Variants in C19orf38 observed in about 807,000 individuals in gnomAD.
C19orf38 encodes the protein protein HIDE1.
C19orf38 carries 14 observed loss-of-function variants against 26.6 expected under a neutral mutation model. The ratio of observed to expected loss-of-function variants is 0.53; its 90% confidence interval spans 0.35 to 0.82. The LOEUF is 0.82. Among genes scored for constraint, C19orf38 ranks in the 40% least tolerant of loss-of-function variants. The pLI is 0.01. For synonymous variants in C19orf38, 132 were observed against 128.5 expected (o/e 1.03, Z -0.18); for missense variants, 261 against 299.5 (o/e 0.87, Z 0.95).
chr19:10,853,042 C>A (rs2146256646), intron 2 of C19orf38, among the ~76,000 whole-genome samples: 1 of 146,228 alleles, frequency 6.8e-6, no homozygotes, highest in South Asian at 2.2e-4. Context: ...GAGACCCTGT[C>A]TCTACAAAAA....
chr19:10,842,576 G>GA (rs888965962), intron 1 of C19orf38, among the ~76,000 whole-genome samples: 38 of 144,858 alleles, frequency 2.6e-4, no homozygotes, highest in East Asian at 4.0e-4. Flanking sequence ...ATTTTTAATG[G>GA]AAAAAAAAAA....
chr19:10,848,626 C>A, intron 1 of C19orf38, 87 bp downstream of exon 1: 1 of 1,313,024 alleles, frequency 7.6e-7, no homozygotes, highest in Non-Finnish European at 1.1e-6. Context: ...GAAACCAGTG[C>A]AGGGGCTGCC....
chr19:10,869,185 C>T, intron 6 of C19orf38, 33 bp from the exon 7 acceptor site: 5 of 1,551,216 alleles, frequency 3.2e-6, no homozygotes, highest in Non-Finnish European at 4.4e-6. Context: ...CCCCAAATCA[C>T]CCACTTCTGT....
At chr19:10,850,681 C>A in intron 2 of C19orf38, 114 bp downstream of exon 2, 1 of 1,123,626 alleles carries the variant, frequency 8.9e-7, no homozygotes, top group Non-Finnish European at 1.3e-6. Context: ...TACACCCTGC[C>A]AGGACTTACT....
intron 1 of C19orf38, among the ~76,000 whole-genome samples, chr19:10,839,007 C>T (rs982711655): frequency 6.6e-6 from 1 of 151,990 alleles, no homozygotes; most frequent in Non-Finnish European, 1.5e-5. Flanking sequence ...CTCCGCCTCC[C>T]AGGTTCAAGG....
chr19:10,859,384 AT>A (rs1221027780), intron 4 of C19orf38, among the ~76,000 whole-genome samples: 312 of 21,026 alleles, frequency 0.015, 3 homozygotes, highest in Middle Eastern at 0.071. Context: ...ATATATATAT[AT>A]TTTTTTTTTT....
chr19:10,863,322 G>T (rs1329364265), intron 6 of C19orf38, 115 bp downstream of exon 6: 13 of 1,235,470 alleles, frequency 1.1e-5, no homozygotes, highest in Non-Finnish European at 1.5e-5. Flanking sequence ...AAGCTGCGGG[G>T]GGGCTAGGAA....
intron 3 of C19orf38, among the ~76,000 whole-genome samples, chr19:10,857,368 T>TA (rs1568336575): frequency 3.7e-3 from 166 of 44,592 alleles, no homozygotes; most frequent in Admixed American, 4.4e-3. Context: ...ATATATATAT[T>TA]TTTTTTTTTT....
chr19:10,865,122 CT>C (rs1268682845), intron 6 of C19orf38, among the ~76,000 whole-genome samples: 2 of 152,150 alleles, frequency 1.3e-5, no homozygotes, highest in African/African-American at 4.8e-5. Flanking sequence ...GTGATGCCCC[CT>C]CTCCCCACTT....
At chr19:10,859,088 C>G (rs2073661765) in intron 4 of C19orf38, among the ~76,000 whole-genome samples, 1 of 151,244 alleles carries the variant, frequency 6.6e-6, no homozygotes, top group Non-Finnish European at 1.5e-5. Flanking sequence ...CAGGCATGTG[C>G]CACCACACCC....
intron 4 of C19orf38, among the ~76,000 whole-genome samples, chr19:10,859,089 C>T (rs1270315819): frequency 6.6e-6 from 1 of 151,266 alleles, no homozygotes; most frequent in Admixed American, 6.6e-5. Flanking sequence ...AGGCATGTGC[C>T]ACCACACCCG....
intron 6 of C19orf38, 119 bp downstream of exon 6, chr19:10,863,326 C>T (rs1844556412): frequency 1.7e-6 from 2 of 1,170,762 alleles, no homozygotes; most frequent in Non-Finnish European, 2.5e-6. Flanking sequence ...TGCGGGGGGG[C>T]TAGGAAAAGC....
chr19:10,869,284 A>G lies in C19orf38; in HGVS notation c.610A>G (p.Asn204Asp). The G allele has an allele frequency of 6.4e-7, 1 of 1,551,648 alleles. No individual in the cohort carries two copies. Among genetic ancestry groups the G allele is most frequent in the Non-Finnish European group, 8.7e-7 (1 of 1,146,974 alleles). Residue 204 changes from asparagine to aspartate, a missense_variant, in exon 7 of 7, where the codon AAC (asparagine) becomes GAC (aspartate). Physicochemically the swap from Asn to Asp is conservative, Grantham distance 23. Coordinates refer to ENST00000397820, the MANE Select transcript of C19orf38 (RefSeq NM_001136482.3). Reference sequence around the variant, plus strand: ...CTCAGGCACCACTGCCACCCCCAGCAACTCCAGGACCCGGAAGAGGCCCAC... The same window carrying G: ...CTCAGGCACCACTGCCACCCCCAGCGACTCCAGGACCCGGAAGAGGCCCAC... Reference protein sequence around the residue: ...DHSGTTATPSNSRTRKRPTST... With the variant: ...DHSGTTATPSDSRTRKRPTST...
chr19:10,839,179 A>G (rs966083684), intron 1 of C19orf38, among the ~76,000 whole-genome samples: 4 of 152,154 alleles, frequency 2.6e-5, no homozygotes, highest in Non-Finnish European at 5.9e-5. Context: ...TGCTGGGATT[A>G]CTGGTGTGAG....
intron 3 of C19orf38, among the ~76,000 whole-genome samples, chr19:10,857,733 T>A (rs1377143480): frequency 6.6e-6 from 1 of 151,090 alleles, no homozygotes; most frequent in Non-Finnish European, 1.5e-5. Flanking sequence ...ACACAAAAAT[T>A]AGCCGGGCGT....
At chr19:10,857,966 T>C (rs1280337651) in intron 3 of C19orf38, among the ~76,000 whole-genome samples, 2 of 150,788 alleles carry the variant, frequency 1.3e-5, no homozygotes, top group East Asian at 3.9e-4. Context: ...GTGGGGTGGC[T>C]TGCCTGTAAT....
upstream of C19orf38, among the ~76,000 whole-genome samples, chr19:10,847,064 A>G (rs2073524215): frequency 6.6e-6 from 1 of 152,202 alleles, no homozygotes; most frequent in African/African-American, 2.4e-5. Context: ...CACATGCCAC[A>G]TCCTTCTTGG....
At chr19:10,853,149 A>G (rs1290378573) in intron 2 of C19orf38, among the ~76,000 whole-genome samples, 2 of 151,532 alleles carry the variant, frequency 1.3e-5, no homozygotes, top group East Asian at 3.9e-4. Flanking sequence ...TGCAGCCTCC[A>G]CTTCCTGGGC....
chr19:10,849,705 GTAA>G (rs1568333643), intron 1 of C19orf38, among the ~76,000 whole-genome samples: 2 of 151,960 alleles, frequency 1.3e-5, no homozygotes, highest in East Asian at 3.9e-4. Context: ...AATAAATAAA[GTAA>G]TAATAAATTA....
Sources: gnomAD v4.1 joint callset for allele counts (sites outside exome capture counted in the v4.1 genomes callset) on GRCh38, gnomAD v4.1.1 for gene constraint, MANE v1.5 for transcripts, NCBI Gene and HGNC (gene_info 2026-07-23, HGNC 2026-07-21) for gene names.